Variants in PCSK2 observed in about 807,000 individuals in gnomAD.
PCSK2 encodes the protein neuroendocrine convertase 2.
PCSK2 carries 14 observed loss-of-function variants against 69.7 expected under a neutral mutation model. The ratio of observed to expected loss-of-function variants is 0.20; its 90% CI spans 0.13 to 0.31. The LOEUF (loss-of-function observed/expected upper bound fraction) is 0.31. PCSK2 is among the 10% of genes least tolerant of loss of function. The pLI is 1.00. For synonymous variants in PCSK2, 307 were observed against 320.7 expected, an observed-to-expected ratio of 0.96 and a Z score of 0.46; for missense variants, 544 against 842.5, an observed-to-expected ratio of 0.65 and a Z score of 4.39.
intron 2 of PCSK2, among the ~76,000 whole-genome samples, chr20:17,331,270 G>C (rs575368207): frequency 1.4e-4 from 22 of 152,270 alleles, no homozygotes; most frequent in African/African-American, 4.8e-4. Context: ...CACATCTGCA[G>C]CACGTTGGAC....
Position 17,328,727 on chromosome 20 carries a change from C to G in PCSK2, c.283-29600C>G, listed in dbSNP as rs942378624. ...ATTTTACTTGCCTAGAAGATGAGGA[C>G]CAGAGGAAAAACTGACTTGGCTAAC... On this transcript the variant is annotated intron_variant, in intron 2 of 11. Transcript: ENST00000262545. Among the ~76,000 whole-genome samples the G allele has an allele frequency of 2.0e-5, 3 of 152,082 alleles. No individual in the cohort carries two copies. In the East Asian group the frequency reaches 5.8e-4, roughly 29 times the overall value.
At chr20:17,436,098 G>T (rs1378675367) in intron 7 of PCSK2, among the ~76,000 whole-genome samples, 1 of 152,188 alleles carries the variant, frequency 6.6e-6, no homozygotes. Flanking sequence ...GAAGAAAGGA[G>T]AGGCAGCCGT....
chr20:17,423,065 C>A (rs1276566304), intron 6 of PCSK2, among the ~76,000 whole-genome samples: 1 of 152,070 alleles, frequency 6.6e-6, no homozygotes, highest in Non-Finnish European at 1.5e-5. Flanking sequence ...GATTTCTTCC[C>A]TTTTCTCCCC....
In PCSK2 at chr20:17,390,365, C is replaced by T. The variant is rs148769831; in HGVS notation, c.544-18898C>T. On this transcript the variant is annotated intron_variant, in intron 5 of 11. Transcript: ENST00000262545. ...AGATTTACATACTGCTAAGATGCAG[C>T]ATGCATGCTTAAGATCACATATGCT... Among the ~76,000 whole-genome samples, 831 of 152,348 alleles carry T rather than the reference C, an allele frequency of 5.5e-3. 4 individuals are homozygous for T. Among genetic ancestry groups the T allele is most frequent in the Non-Finnish European group, 8.2e-3 (555 of 68,028 alleles).
chr20:17,397,767 G>A (rs1325779506), intron 5 of PCSK2, among the ~76,000 whole-genome samples: 2 of 152,044 alleles, frequency 1.3e-5, no homozygotes, highest in Non-Finnish European at 2.9e-5. Context: ...GTGAGCCGCC[G>A]CCCCCGGCCA....
At position 17,407,054 on chromosome 20, in the gene PCSK2, T is replaced by C. The variant is rs117988153; in HGVS notation, c.544-2209T>C. 4.9e-3 allele frequency among the ~76,000 whole-genome samples: 749 copies of C among 152,250 alleles called. 4 individuals are homozygous for C. Among genetic ancestry groups the C allele is most frequent in the Non-Finnish European group, 6.7e-3 (453 of 68,014 alleles). On this transcript the variant is annotated intron_variant, in intron 5 of 11. Transcript: ENST00000262545. ...GACCACCCGAATGTCCTAGGCCAGC[T>C]AGTTCTCAGCGTCACATCCTCACCA...
chr20:17,479,319 T>C (rs1049042294), intron 11 of PCSK2: 3 of 807,022 alleles, frequency 3.7e-6, no homozygotes, highest in African/African-American at 1.7e-5. Context: ...GTTGATGTTG[T>C]TGTAATTATA....
intron 11 of PCSK2, among the ~76,000 whole-genome samples, chr20:17,480,815 A>G (rs1469758842): frequency 2.0e-5 from 3 of 152,222 alleles, no homozygotes; most frequent in Admixed American, 6.5e-5. Context: ...AAACCGGGGT[A>G]AAAACCTGTC....
chr20:17,242,259 C>A (rs1365432819), intron 1 of PCSK2, among the ~76,000 whole-genome samples: 4 of 152,210 alleles, frequency 2.6e-5, no homozygotes, highest in African/African-American at 9.6e-5. Flanking sequence ...GGCTTACAGC[C>A]AAGTGTACTG....
chr20:17,477,018 AG>A (rs1303424604), intron 11 of PCSK2, among the ~76,000 whole-genome samples: 1 of 152,196 alleles, frequency 6.6e-6, no homozygotes, highest in Non-Finnish European at 1.5e-5. Context: ...AGGGGAATAC[AG>A]CAGTACTCCA....
chr20:17,365,231 G>A (rs369916408), intron 4 of PCSK2, among the ~76,000 whole-genome samples: 85 of 152,088 alleles, frequency 5.6e-4, no homozygotes, highest in African/African-American at 1.9e-3. Context: ...CAAACACTGC[G>A]TCCTCCCCTG....
chr20:17,357,745 T>C (rs1342486134), intron 2 of PCSK2, among the ~76,000 whole-genome samples: 1 of 151,924 alleles, frequency 6.6e-6, no homozygotes, highest in African/African-American at 2.4e-5. Context: ...AAATACAAAA[T>C]TAGCTGGGTG....
intron 2 of PCSK2, among the ~76,000 whole-genome samples, chr20:17,268,184 T>C (rs1377233612): frequency 1.3e-5 from 2 of 151,874 alleles, no homozygotes; most frequent in Non-Finnish European, 2.9e-5. Flanking sequence ...ATTCAGCAAA[T>C]AGTTATCAAG....
At chr20:17,382,602 C>T (rs774940058) in intron 5 of PCSK2, among the ~76,000 whole-genome samples, 1 of 152,234 alleles carries the variant, frequency 6.6e-6, no homozygotes, top group East Asian at 1.9e-4. Context: ...GGCAATACAC[C>T]TGCCTCTCTG....
At chr20:17,339,335 C>T (rs187129520) in intron 2 of PCSK2, among the ~76,000 whole-genome samples, 90 of 152,312 alleles carry the variant, frequency 5.9e-4, no homozygotes, top group African/African-American at 2.1e-3. Context: ...TCACAAGCTG[C>T]TGTGAGCCAC....
chr20:17,256,183 T>G (rs1488963135), intron 1 of PCSK2, among the ~76,000 whole-genome samples: 1 of 152,190 alleles, frequency 6.6e-6, no homozygotes, highest in Non-Finnish European at 1.5e-5. Context: ...ATGTACTTTT[T>G]AGCTCCAGAA....
intron 2 of PCSK2, among the ~76,000 whole-genome samples, chr20:17,318,788 A>G (rs73094494): frequency 2.0e-5 from 3 of 152,312 alleles, no homozygotes; most frequent in South Asian, 2.1e-4. Flanking sequence ...CAGGGCCACA[A>G]TTTACTTCTA....
intron 2 of PCSK2, among the ~76,000 whole-genome samples, chr20:17,308,134 C>T (rs1247748099): frequency 6.6e-6 from 1 of 151,442 alleles, no homozygotes; most frequent in African/African-American, 2.4e-5. Flanking sequence ...GAAGGTGCTA[C>T]ACACTTTTAA....
chr20:17,366,227 C>T (rs1224813305), intron 4 of PCSK2, among the ~76,000 whole-genome samples: 3 of 152,194 alleles, frequency 2.0e-5, no homozygotes, highest in South Asian at 2.1e-4. Flanking sequence ...CCTAGTTCCT[C>T]GAGGTCTCCA....
Sources: gnomAD v4.1 joint callset for allele counts (sites outside exome capture counted in the v4.1 genomes callset) on GRCh38, gnomAD v4.1.1 for gene constraint, MANE v1.5 for transcripts, NCBI Gene and HGNC (gene_info 2026-07-23, HGNC 2026-07-21) for gene names.